CLEC3A: variants seen among roughly 807,000 people sequenced by gnomAD.
The protein encoded by CLEC3A is C-type lectin domain family 3 member A.
A neutral mutation model predicts 20.4 loss-of-function variants in CLEC3A; 28 were observed. The ratio of observed to expected loss-of-function variants is 1.37; its 90% CI spans 1.02 to 1.88. The LOEUF (loss-of-function observed/expected upper bound fraction) is 1.88, where lower values mean the gene tolerates loss of function less well. CLEC3A is among the 40% of genes most tolerant of loss of function. The pLI is 0.00. For missense variants in CLEC3A, 357 were observed against 240.4 expected (o/e 1.48, Z -3.21); for synonymous variants, 110 against 88.1 (o/e 1.25, Z -1.39).
chr16:78,028,146 G>A lies in CLEC3A; in HGVS notation c.155G>A (p.Trp52Ter). The A allele has an allele frequency of 1.2e-6, 2 of 1,611,700 alleles. No homozygotes were observed. The highest frequency in any genetic ancestry group is 8.5e-7 in the Non-Finnish European group (1 of 1,179,486). Residue 52 changes from tryptophan (W) to a stop codon, truncating the protein, a stop_gained, in exon 2 of 3, where the codon TGG (tryptophan) becomes TAG (stop). Coordinates refer to ENST00000299642, the MANE Select transcript of CLEC3A (RefSeq NM_005752.6). LOFTEE classifies it high-confidence loss of function. The stretch of plus-strand genomic sequence containing the variant: ...CTGAAGACTCAAATTGAAAAGCTCT[G>A]GACAGAAGTCAATGCCTTGAAGGAA... The part of the protein sequence containing the change: ...GDLKTQIEKL[W>*]TEVNALKEIQ...
At chr16:78,029,928 C>T (rs1597153811) in intron 2 of CLEC3A, among the ~76,000 whole-genome samples, 4 of 151,980 alleles carry the variant, frequency 2.6e-5, no homozygotes, top group Middle Eastern at 6.8e-3. Context: ...CCGAGGCAGG[C>T]GGATCATGAG....
At position 78,030,553 on chromosome 16, in the gene CLEC3A, G is replaced by C. The variant is rs1017433924; in HGVS notation, c.306G>C (p.Leu102=). 9 of 1,614,010 alleles carry C rather than the reference G, an allele frequency of 5.6e-6. No homozygotes were observed. Among genetic ancestry groups the C allele is most frequent in the Non-Finnish European group, 7.6e-6 (9 of 1,180,038 alleles). Residue 102 remains leucine (L), a synonymous_variant, in exon 3 of 3, where the codon CTG becomes CTC. Coordinates refer to ENST00000299642, the MANE Select transcript of CLEC3A (RefSeq NM_005752.6). ...ACTGCATTTCCAAAGGAGGAATCCTGGTTATCCCCAGGAACTCCGACGAAA... is the reference window on the plus strand; with the variant it reads ...ACTGCATTTCCAAAGGAGGAATCCTCGTTATCCCCAGGAACTCCGACGAAA... ...NEDCISKGGI[L]VIPRNSDEIN... is the part of the protein sequence containing the mutation.
At chr16:78,028,393 T>C (rs1273642991) in intron 2 of CLEC3A, among the ~76,000 whole-genome samples, 1 of 152,160 alleles carries the variant, frequency 6.6e-6, no homozygotes, top group African/African-American at 2.4e-5. Flanking sequence ...GGTATAGAAA[T>C]AAAAATAAGT....
chr16:78,030,805 C>A lies in CLEC3A; in HGVS notation c.558C>A (p.Ser186Arg). Reference protein sequence around the residue: ...GKWSDEACRSSKRYICEFTIP... With the variant: ...GKWSDEACRSRKRYICEFTIP... ...GGAGTGATGAGGCCTGTCGCAGCAGCAAGAGATACATATGCGAGTTCACCA... is the reference window on the plus strand; with the variant it reads ...GGAGTGATGAGGCCTGTCGCAGCAGAAAGAGATACATATGCGAGTTCACCA... The change falls in exon 3 of 3, where the codon AGC becomes AGA. Residue 186 changes from serine to arginine, a missense_variant. Coordinates refer to ENST00000299642, the MANE Select transcript of CLEC3A (RefSeq NM_005752.6). 1 of 1,613,870 alleles carries A rather than the reference C, an allele frequency of 6.2e-7. No homozygotes were observed. Among genetic ancestry groups the A allele is most frequent in the Non-Finnish European group, 8.5e-7 (1 of 1,179,910 alleles).
intron 1 of CLEC3A, among the ~76,000 whole-genome samples, chr16:78,027,262 G>A (rs1194520926): frequency 2.6e-5 from 4 of 152,092 alleles, no homozygotes; most frequent in Non-Finnish European, 5.9e-5. Flanking sequence ...ATAAAATATG[G>A]AATAAAATAA....
intron 1 of CLEC3A, among the ~76,000 whole-genome samples, chr16:78,024,832 G>C (rs1422369878): frequency 6.6e-6 from 1 of 152,032 alleles, no homozygotes; most frequent in African/African-American, 2.4e-5. Flanking sequence ...TTTTTTGTAG[G>C]ATTGTTTGTT....
At chr16:78,028,312 G>T in intron 2 of CLEC3A, 122 bp downstream of exon 2, 1 of 639,604 alleles carries the variant, frequency 1.6e-6, no homozygotes, top group Non-Finnish European at 2.6e-6. Flanking sequence ...CAATAAGAGG[G>T]CCCCAATGCC....
intron 2 of CLEC3A, among the ~76,000 whole-genome samples, chr16:78,029,543 T>C (rs536438432): frequency 6.6e-6 from 1 of 152,226 alleles, no homozygotes; most frequent in Non-Finnish European, 1.5e-5. Flanking sequence ...TAATTTTTTG[T>C]ATTTTTAGTA....
rs370712626 is a variant in CLEC3A, at chr16:78,030,574, C to T, written c.327C>T (p.Asp109=). Residue 109 remains aspartate (D), a synonymous_variant, in exon 3 of 3, where the codon GAC becomes GAT. Transcript: ENST00000299642. The part of the protein sequence containing the change: ...GGILVIPRNS[D]EINALQDYGK... ...TCCTGGTTATCCCCAGGAACTCCGA[C>T]GAAATCAACGCCCTCCAAGACTATG... is the stretch of plus-strand genomic sequence containing the variant. 20 of 1,614,058 alleles carry T rather than the reference C, an allele frequency of 1.2e-5. No homozygotes were observed. The highest frequency in any genetic ancestry group is 3.3e-5 in the Admixed American group (2 of 60,004).
chr16:78,022,763 G>C (rs541949188), intron 1 of CLEC3A, 22 bp downstream of exon 1: 2 of 1,613,356 alleles, frequency 1.2e-6, no homozygotes, highest in Admixed American at 3.3e-5. Flanking sequence ...TCTCAATCAA[G>C]CAAAATTCTA....
At position 78,030,618 on chromosome 16, in the gene CLEC3A, G is replaced by C; in HGVS notation, c.371G>C (p.Gly124Ala). ...LQDYGKRSLP[G>A]VNDFWLGIND... Reference sequence around the variant, plus strand: ...GACTATGGTAAAAGGAGCCTGCCAGGTGTCAATGACTTTTGGCTGGGCATC... The same window carrying C: ...GACTATGGTAAAAGGAGCCTGCCAGCTGTCAATGACTTTTGGCTGGGCATC... The change falls in exon 3 of 3, where the codon GGT (glycine) becomes GCT (alanine). Residue 124 changes from glycine (G) to alanine (A), a missense_variant. Coordinates refer to ENST00000299642, the MANE Select transcript of CLEC3A (RefSeq NM_005752.6). 1.2e-6 allele frequency: 2 copies of C among 1,614,130 alleles called. No individual in the cohort carries two copies. Among genetic ancestry groups the C allele is most frequent in the Non-Finnish European group, 1.7e-6 (2 of 1,180,028 alleles).
chr16:78,028,682 G>C (rs1362518518), intron 2 of CLEC3A, among the ~76,000 whole-genome samples: 1 of 152,220 alleles, frequency 6.6e-6, no homozygotes. Context: ...CAAGGGGTGA[G>C]GAAGTGAGCC....
At chr16:78,023,789 G>C (rs528979820) in intron 1 of CLEC3A, among the ~76,000 whole-genome samples, 34 of 144,056 alleles carry the variant, frequency 2.4e-4, no homozygotes, top group African/African-American at 7.0e-4. Flanking sequence ...ACAGAGTCTC[G>C]CTCTGTCGCC....
In CLEC3A at chr16:78,028,142, C is replaced by T. The variant is rs759987357; in HGVS notation, c.151C>T (p.Leu51Phe). The change falls in exon 2 of 3, where the codon CTC becomes TTC. Residue 51 changes from leucine (L) to phenylalanine (F), a missense_variant. By Grantham distance (22) the Leu-to-Phe change is conservative (BLOSUM62 0). Coordinates refer to ENST00000299642, the MANE Select transcript of CLEC3A (RefSeq NM_005752.6). ...DGDLKTQIEKLWTEVNALKEI... is the reference protein window; with the variant it reads ...DGDLKTQIEKFWTEVNALKEI... ...AGATCTGAAGACTCAAATTGAAAAG[C>T]TCTGGACAGAAGTCAATGCCTTGAA... 3.1e-6 allele frequency: 5 copies of T among 1,611,870 alleles called. No individual in the cohort carries two copies. The highest frequency in any genetic ancestry group is 2.7e-5 in the African/African-American group (2 of 74,738).
intron 1 of CLEC3A, among the ~76,000 whole-genome samples, chr16:78,026,837 G>A (rs1204761704): frequency 1.3e-5 from 2 of 152,124 alleles, no homozygotes; most frequent in Non-Finnish European, 2.9e-5. Context: ...GCCTCATCCA[G>A]GAACATACAA....
chr16:78,029,146 AG>A (rs1280532414), intron 2 of CLEC3A: 1 of 455,964 alleles, frequency 2.2e-6, no homozygotes, highest in Non-Finnish European at 4.4e-6. Context: ...GGCACAAAGA[AG>A]GTAAGTAATT....
chr16:78,029,988 C>A (rs1009843485), intron 2 of CLEC3A, among the ~76,000 whole-genome samples: 3 of 151,828 alleles, frequency 2.0e-5, no homozygotes, highest in African/African-American at 4.8e-5. Context: ...CCCGTCTCTA[C>A]TAAAAATACA....
Position 78,030,535 on chromosome 16 carries a change from T to G in CLEC3A, c.288T>G (p.Ile96Met), listed in dbSNP as rs191858651. 1.2e-6 allele frequency: 2 copies of G among 1,614,114 alleles called. No homozygotes were observed. The highest frequency in any genetic ancestry group is 4.5e-5 in the East Asian group (2 of 44,862). The change falls in exon 3 of 3, where the codon ATT becomes ATG. Residue 96 changes from isoleucine (I) to methionine (M), a missense_variant. Physicochemically the swap from Ile to Met is conservative, Grantham distance 10. Coordinates refer to ENST00000299642, the MANE Select transcript of CLEC3A (RefSeq NM_005752.6). ...KHFHEANEDC[I>M]SKGGILVIPR... ...TCCATGAGGCCAATGAAGACTGCAT[T>G]TCCAAAGGAGGAATCCTGGTTATCC...
At chr16:78,025,052 T>C (rs1002830210) in intron 1 of CLEC3A, among the ~76,000 whole-genome samples, 1 of 152,210 alleles carries the variant, frequency 6.6e-6, no homozygotes, top group East Asian at 1.9e-4. Context: ...GCCAGGCTAG[T>C]CTCAAACTCC....
Sources: allele counts gnomAD v4.1 joint callset (sites outside exome capture counted in the v4.1 genomes callset), GRCh38; gene constraint gnomAD v4.1.1; transcripts MANE v1.5; gene names NCBI Gene and HGNC (gene_info 2026-07-23, HGNC 2026-07-21).